Variants in USP34 observed in about 807,000 individuals in gnomAD.
The protein encoded by USP34 is ubiquitin specific peptidase 34, also known as ubiquitin carboxyl-terminal hydrolase 34.
In USP34, 70 loss-of-function variants were observed where a neutral mutation model predicts 460.3. That is an observed-to-expected ratio of 0.15 (90% CI 0.13 to 0.19). USP34 has a LOEUF of 0.19. Ranked by LOEUF, USP34 falls within the 10% of genes least tolerant of loss-of-function variation. The probability of loss-of-function intolerance (pLI) is 1.00; values close to 1 mark genes in which losing one functional copy is unlikely to be tolerated. For missense variants in USP34, 3,985 were observed against 4,236.2 expected (o/e 0.94, Z 1.65); for synonymous variants, 1,647 against 1,405.3 (o/e 1.17, Z -3.85).
At position 61,232,441 on chromosome 2, in the gene USP34, T is replaced by G. The variant is rs765704500; in HGVS notation, c.7113+11A>C. The G allele has an allele frequency of 6.3e-7, 1 of 1,593,116 alleles. No homozygotes were observed. The highest frequency in any genetic ancestry group is 2.2e-5 in the East Asian group (1 of 44,676). ...TTCCAAATAATTTTTTTCAAACATA[T>G]TTTTCCTTACCTGTCTCACAATTTG... On this transcript the variant is annotated intron_variant, in intron 58 of 79. Coordinates refer to ENST00000398571, the MANE Select transcript of USP34 (RefSeq NM_014709.4).
rs139242078 is a variant in USP34 at position 61,427,352 on chromosome 2, A to T, written c.44-6519T>A. 3.3e-3 allele frequency among the ~76,000 whole-genome samples: 508 copies of T among 152,296 alleles called. 2 individuals are homozygous for T. Among genetic ancestry groups the T allele is most frequent in the African/African-American group, 0.011 (439 of 41,566 alleles). On this transcript the variant is annotated intron_variant, in intron 1 of 79. Coordinates refer to ENST00000398571, the MANE Select transcript of USP34 (RefSeq NM_014709.4). The stretch of plus-strand genomic sequence containing the variant: ...CCCAAGTTCTTTCAAATATCTAGAA[A>T]GCCTTCCCAAGAAGGACAGCTTCAA...
intron 75 of USP34, among the ~76,000 whole-genome samples, chr2:61,194,731 G>A (rs994105250): frequency 2.6e-5 from 4 of 152,254 alleles, no homozygotes; most frequent in South Asian, 2.1e-4. Context: ...CAAGGTGGGC[G>A]GATCACCTGA....
intron 6 of USP34, among the ~76,000 whole-genome samples, chr2:61,381,482 A>C (rs1026272545): frequency 1.3e-5 from 2 of 151,970 alleles, no homozygotes; most frequent in Admixed American, 1.3e-4. Flanking sequence ...GGGACTATAG[A>C]AGCATGCCAC....
intron 53 of USP34, 87 bp from the exon 54 acceptor site, chr2:61,236,476 T>TA (rs1389323229): frequency 3.1e-6 from 3 of 979,582 alleles, no homozygotes; most frequent in Middle Eastern, 3.2e-4. Context: ...AAGTCTCTTC[T>TA]AAAAAACCAC....
intron 20 of USP34, among the ~76,000 whole-genome samples, chr2:61,328,703 C>G (rs2103723070): frequency 6.6e-6 from 1 of 152,314 alleles, no homozygotes; most frequent in South Asian, 2.1e-4. Flanking sequence ...ATGCTTTGCT[C>G]ACCTCTGATT....
At chr2:61,271,289 T>G (rs1185733243) in intron 41 of USP34, among the ~76,000 whole-genome samples, 1 of 152,188 alleles carries the variant, frequency 6.6e-6, no homozygotes, top group East Asian at 1.9e-4. Context: ...GGGTGAAGCT[T>G]TATCTTCTTC....
intron 78 of USP34, 52 bp from the exon 79 acceptor site, chr2:61,189,121 G>A: frequency 1.3e-6 from 2 of 1,572,588 alleles, no homozygotes; most frequent in Non-Finnish European, 1.7e-6. Context: ...ACACTTTGAT[G>A]CAGTTGTTTA....
intron 41 of USP34, among the ~76,000 whole-genome samples, chr2:61,271,252 C>T (rs78116129): frequency 6.6e-6 from 1 of 152,108 alleles, no homozygotes; most frequent in Non-Finnish European, 1.5e-5. Context: ...TGCAGTGGAC[C>T]GAGATCGCAC....
intron 37 of USP34, 147 bp from the exon 38 acceptor site, chr2:61,281,389 A>G (rs1388529061): frequency 8.6e-6 from 9 of 1,044,992 alleles, no homozygotes; most frequent in Non-Finnish European, 1.2e-5. Context: ...AGGCAGGAGG[A>G]TAACCTGTGG....
intron 33 of USP34, among the ~76,000 whole-genome samples, chr2:61,292,915 GA>G (rs138725036): frequency 0.029 from 4,409 of 150,410 alleles, 218 homozygotes; most frequent in African/African-American, 0.1. Context: ...CAAGTTCACA[GA>G]AAAAAAAATT....
rs536934539 is a variant in USP34, at chr2:61,235,312, GA to G, written c.7032+532del. Among the ~76,000 whole-genome samples the G allele has an allele frequency of 4.5e-3, 618 of 138,088 alleles. 18 individuals carry two copies. The East Asian group carries it at 0.077, about 17-fold the overall frequency. The allele number at this position is 138,088 out of a possible 152,430, so 90.6% of individuals were successfully genotyped here. Reference sequence around the variant, plus strand: ...TTTTCCTTCTGGTAGATGAAGGGGGGAAAAAATTTTTTTTTCTTTTTTTTTT... The same window carrying G: ...TTTTCCTTCTGGTAGATGAAGGGGGGAAAAATTTTTTTTTCTTTTTTTTTT... On this transcript the variant is annotated intron_variant, in intron 57 of 79. Transcript: ENST00000398571.
chr2:61,451,797 T>A (rs1427749665), intron 1 of USP34, among the ~76,000 whole-genome samples: 2 of 152,086 alleles, frequency 1.3e-5, no homozygotes, highest in Non-Finnish European at 2.9e-5. Flanking sequence ...AAAATTAATG[T>A]TAGATCCTAC....
At chr2:61,405,558 G>A in intron 3 of USP34, 150 bp downstream of exon 3, 3 of 834,508 alleles carry the variant, frequency 3.6e-6, no homozygotes, top group South Asian at 4.8e-5. Flanking sequence ...ACAAACTGCT[G>A]AAGAAATGCT....
intron 2 of USP34, among the ~76,000 whole-genome samples, chr2:61,408,672 G>A (rs868440804): frequency 7.2e-5 from 11 of 151,850 alleles, no homozygotes; most frequent in Admixed American, 2.0e-4. Flanking sequence ...GAGGCAAGCA[G>A]ATCACTTAAG....
At chr2:61,333,821 T>G in intron 19 of USP34, 61 bp downstream of exon 19, 1 of 1,167,494 alleles carries the variant, frequency 8.6e-7, no homozygotes, top group Non-Finnish European at 1.2e-6. Flanking sequence ...TCAAAACCTT[T>G]AGATAACTAT....
At chr2:61,352,112 A>G (rs1691958542) in intron 10 of USP34, among the ~76,000 whole-genome samples, 1 of 152,162 alleles carries the variant, frequency 6.6e-6, no homozygotes, top group African/African-American at 2.4e-5. Context: ...CAATAATCCA[A>G]AATCTTAAAT....
intron 62 of USP34, 125 bp downstream of exon 62, chr2:61,226,942 G>A (rs1687746002): frequency 1.8e-6 from 2 of 1,107,584 alleles, no homozygotes; most frequent in Non-Finnish European, 2.5e-6. Context: ...ATAAAAGCTA[G>A]TGAATAACAA....
At chr2:61,351,271 G>C (rs1691935074) in intron 10 of USP34, among the ~76,000 whole-genome samples, 1 of 152,120 alleles carries the variant, frequency 6.6e-6, no homozygotes, top group South Asian at 2.1e-4. Flanking sequence ...TGCCAGATTT[G>C]TTATTAAATC....
At chr2:61,230,937 C>A (rs1687877354) in intron 58 of USP34, among the ~76,000 whole-genome samples, 2 of 151,394 alleles carry the variant, frequency 1.3e-5, no homozygotes, top group Non-Finnish European at 1.5e-5. Context: ...CAAACAAAAA[C>A]TTGTACTAAA....
Sources: gnomAD v4.1 joint callset for allele counts (sites outside exome capture counted in the v4.1 genomes callset) on GRCh38, gnomAD v4.1.1 for gene constraint, MANE v1.5 for transcripts, NCBI Gene and HGNC (gene_info 2026-07-23, HGNC 2026-07-21) for gene names.